CNTN4: variants seen among roughly 807,000 people sequenced by gnomAD.
The protein encoded by CNTN4 is contactin 4.
In CNTN4, 77 loss-of-function variants were observed where a neutral mutation model predicts 122.5. The ratio of observed to expected loss-of-function variants is 0.63; its 90% confidence interval spans 0.52 to 0.76. The LOEUF (loss-of-function observed/expected upper bound fraction) is 0.76, where lower values mean the gene tolerates loss of function less well. CNTN4 is among the 30% of genes least tolerant of loss of function. The pLI is 0.00. For missense variants in CNTN4, 1,256 were observed against 1,259.1 expected, an observed-to-expected ratio of 1.00 and a Z score of 0.04; for synonymous variants, 512 against 447.0, an observed-to-expected ratio of 1.15 and a Z score of -1.83.
intron 4 of CNTN4, among the ~76,000 whole-genome samples, chr3:2,706,003 A>C (rs2086710671): frequency 7.2e-6 from 1 of 139,472 alleles, no homozygotes; most frequent in South Asian, 2.1e-4. Context: ...AATATATAAA[A>C]ATAAATATAT....
intron 6 of CNTN4, among the ~76,000 whole-genome samples, chr3:2,815,940 G>A (rs1230927233): frequency 5.3e-5 from 8 of 150,774 alleles, no homozygotes; most frequent in African/African-American, 1.7e-4. Flanking sequence ...AGCATTTGCA[G>A]TGACGTGGAT....
intron 3 of CNTN4, among the ~76,000 whole-genome samples, chr3:2,508,352 G>T (rs569331392): frequency 2.6e-5 from 4 of 152,318 alleles, no homozygotes; most frequent in Admixed American, 2.0e-4. Flanking sequence ...AGTGAGAGAT[G>T]CAAGGAATAG....
intron 2 of CNTN4, among the ~76,000 whole-genome samples, chr3:2,164,373 T>G (rs1166146383): frequency 6.6e-6 from 1 of 152,112 alleles, no homozygotes; most frequent in Admixed American, 6.5e-5. Context: ...AGAGAGAGGA[T>G]GACGCACATA....
intron 2 of CNTN4, among the ~76,000 whole-genome samples, chr3:2,261,589 A>G (rs1427421628): frequency 6.6e-6 from 1 of 152,180 alleles, no homozygotes; most frequent in Non-Finnish European, 1.5e-5. Flanking sequence ...GCCATCTGGG[A>G]TAGAAGCTTC....
intron 2 of CNTN4, among the ~76,000 whole-genome samples, chr3:2,280,592 T>C (rs984290499): frequency 2.0e-5 from 3 of 152,202 alleles, no homozygotes; most frequent in Non-Finnish European, 2.9e-5. Context: ...GAAGGGTCTT[T>C]AGCTATTAGC....
Position 2,627,715 on chromosome 3 carries a change from G to C in CNTN4, c.55+56157G>C, listed in dbSNP as rs182038270. On this transcript the variant is annotated intron_variant, in intron 4 of 24. Coordinates refer to ENST00000418658, the MANE Select transcript of CNTN4 (RefSeq NM_175607.3). Reference sequence around the variant, plus strand: ...TCACCGTGTTAGCCAGGATGGTCTCGATCTCCTGACCTTGTGATCTGCCCG... The same window carrying C: ...TCACCGTGTTAGCCAGGATGGTCTCCATCTCCTGACCTTGTGATCTGCCCG... 3.1e-3 allele frequency among the ~76,000 whole-genome samples: 473 copies of C among 151,944 alleles called. 4 individuals carry two copies. The highest frequency in any genetic ancestry group is 0.013 in the East Asian group (67 of 5,144).
At chr3:3,003,884 G>C (rs114140063) in intron 14 of CNTN4, among the ~76,000 whole-genome samples, 1 of 151,832 alleles carries the variant, frequency 6.6e-6, no homozygotes. Flanking sequence ...TAGGTAGCTG[G>C]GATTACAGGC....
intron 3 of CNTN4, among the ~76,000 whole-genome samples, chr3:2,480,730 G>A (rs1468267785): frequency 6.6e-6 from 1 of 152,134 alleles, no homozygotes; most frequent in Non-Finnish European, 1.5e-5. Context: ...TCCCAGAAAG[G>A]TATTTTGTGG....
At position 2,581,801 on chromosome 3, in the gene CNTN4, G is replaced by A. The variant is rs529749997; in HGVS notation, c.55+10243G>A. Among the ~76,000 whole-genome samples, 4 of 152,222 alleles carry A rather than the reference G, an allele frequency of 2.6e-5. No individual in the cohort carries two copies. In the East Asian group the frequency reaches 7.7e-4, roughly 29 times the overall value. ...AAAAAATGTGGTAGTCCCATACAGT[G>A]GAATATTATTCAGCCATAAAAAGGA... On this transcript the variant is annotated intron_variant, in intron 4 of 24. Coordinates refer to ENST00000418658, the MANE Select transcript of CNTN4 (RefSeq NM_175607.3).
intron 10 of CNTN4, among the ~76,000 whole-genome samples, chr3:2,888,303 C>G (rs1225300292): frequency 2.0e-5 from 3 of 152,174 alleles, no homozygotes; most frequent in East Asian, 1.9e-4. Context: ...TATACCTGCT[C>G]CCTTGCTAAC....
chr3:2,900,593 T>G (rs2094162663), intron 10 of CNTN4, 92 bp from the exon 11 acceptor site: 2 of 1,373,258 alleles, frequency 1.5e-6, no homozygotes, highest in African/African-American at 1.4e-5. Context: ...AATTTTATTA[T>G]AAGTGTACTT....
intron 3 of CNTN4, among the ~76,000 whole-genome samples, chr3:2,368,311 CG>C (rs1342067948): frequency 6.6e-6 from 1 of 152,056 alleles, no homozygotes; most frequent in African/African-American, 2.4e-5. Context: ...GGATTACAGG[CG>C]TGAGCCACAG....
rs114343815 is a variant in CNTN4, at chr3:2,448,002, A to G, written c.-89+108769A>G. ...TCCAGGCCTGTCTAACACAAAAGCAAATGCCCTTAGCTACTGTGATATACT... is the reference window on the plus strand; with the variant it reads ...TCCAGGCCTGTCTAACACAAAAGCAGATGCCCTTAGCTACTGTGATATACT... On this transcript the variant is annotated intron_variant, in intron 3 of 24. Transcript: ENST00000418658. Among the ~76,000 whole-genome samples the G allele has an allele frequency of 3.5e-3, 533 of 152,308 alleles. 2 individuals carry two copies. The highest frequency in any genetic ancestry group is 0.012 in the African/African-American group (507 of 41,574).
At chr3:2,945,860 A>C (rs2094671671) in intron 13 of CNTN4, among the ~76,000 whole-genome samples, 2 of 152,206 alleles carry the variant, frequency 1.3e-5, no homozygotes, top group African/African-American at 4.8e-5. Flanking sequence ...AATAGAACCC[A>C]TTATATATAC....
intron 2 of CNTN4, among the ~76,000 whole-genome samples, chr3:2,190,303 TTGTGTGTGTG>T (rs10685358): frequency 1.8e-4 from 27 of 149,444 alleles, no homozygotes; most frequent in African/African-American, 5.1e-4. Flanking sequence ...CACATCTGAC[TTGTGTGTGTG>T]TGTGTGTGTG....
intron 2 of CNTN4, among the ~76,000 whole-genome samples, chr3:2,324,223 A>G (rs1426883942): frequency 6.6e-6 from 1 of 152,142 alleles, no homozygotes; most frequent in Non-Finnish European, 1.5e-5. Flanking sequence ...GGGCTAATTC[A>G]AAGAGGCTTA....
At chr3:2,652,386 T>C (rs968198801) in intron 4 of CNTN4, among the ~76,000 whole-genome samples, 1 of 152,196 alleles carries the variant, frequency 6.6e-6, no homozygotes, top group African/African-American at 2.4e-5. Flanking sequence ...ATAGTCTTAT[T>C]ATTTCAACTA....
intron 3 of CNTN4, among the ~76,000 whole-genome samples, chr3:2,350,662 T>C (rs2044575877): frequency 6.6e-6 from 1 of 152,224 alleles, no homozygotes; most frequent in African/African-American, 2.4e-5. Context: ...TTGTAATGTC[T>C]CTTCATTAAG....
chr3:2,344,168 A>G lies in CNTN4; in HGVS notation c.-89+4935A>G, dbSNP rs537299617. Among the ~76,000 whole-genome samples, 3 of 152,360 alleles carry G rather than the reference A, an allele frequency of 2.0e-5. No individual in the cohort carries two copies. The South Asian group carries it at 6.2e-4, about 32-fold the overall frequency. ...CGACATTTGGAGTGGACAAACATCCAAACTATATCAGTGATATAACAAAAT... is the reference window on the plus strand; with the variant it reads ...CGACATTTGGAGTGGACAAACATCCGAACTATATCAGTGATATAACAAAAT... On this transcript the variant is annotated intron_variant, in intron 3 of 24. Transcript: ENST00000418658.
Sources: gnomAD v4.1 joint callset for allele counts (sites outside exome capture counted in the v4.1 genomes callset) on GRCh38, gnomAD v4.1.1 for gene constraint, MANE v1.5 for transcripts, NCBI Gene and HGNC (gene_info 2026-07-23, HGNC 2026-07-21) for gene names.